The following MACROD2 variants were observed in gnomAD, a reference collection of about 807,000 sequenced individuals.
MACROD2 encodes the protein ADP-ribose glycohydrolase MACROD2.
In MACROD2, 36 loss-of-function variants were observed where a neutral mutation model predicts 70.4. The observed-to-expected ratio is 0.51, with a 90% confidence interval of 0.39 to 0.68. MACROD2 has a LOEUF of 0.68. MACROD2 is among the 30% of genes least tolerant of loss of function. The pLI is 0.00. For synonymous variants in MACROD2, 172 were observed against 178.8 expected (o/e 0.96, Z 0.30); for missense variants, 496 against 538.4 (o/e 0.92, Z 0.78).
intron 8 of MACROD2, among the ~76,000 whole-genome samples, chr20:15,798,628 G>C (rs1356234026): frequency 6.6e-6 from 1 of 152,104 alleles, no homozygotes; most frequent in Non-Finnish European, 1.5e-5. Context: ...ATTATAGAAG[G>C]GTATGTATGA....
intron 7 of MACROD2, among the ~76,000 whole-genome samples, chr20:15,439,706 C>T (rs963326646): frequency 6.6e-6 from 1 of 152,178 alleles, no homozygotes; most frequent in Non-Finnish European, 1.5e-5. Context: ...CTGGAAGAGG[C>T]CAGACTTTTC....
chr20:15,887,558 A>C (rs546742672), intron 10 of MACROD2, among the ~76,000 whole-genome samples: 1 of 152,250 alleles, frequency 6.6e-6, no homozygotes, highest in South Asian at 2.1e-4. Context: ...CAGCAAACTC[A>C]AAGCACCAGA....
chr20:14,525,187 C>G (rs2085217143), intron 4 of MACROD2, among the ~76,000 whole-genome samples: 1 of 152,144 alleles, frequency 6.6e-6, no homozygotes, highest in Non-Finnish European at 1.5e-5. Flanking sequence ...ATCTATCAGT[C>G]TAATTACCAT....
At chr20:14,821,591 A>C (rs1360888597) in intron 5 of MACROD2, among the ~76,000 whole-genome samples, 1 of 152,132 alleles carries the variant, frequency 6.6e-6, no homozygotes, top group African/African-American at 2.4e-5. Flanking sequence ...TTCGTAAGCA[A>C]ACAGCCTCAC....
chr20:14,901,357 T>A (rs953413551), intron 5 of MACROD2, among the ~76,000 whole-genome samples: 19 of 152,060 alleles, frequency 1.2e-4, no homozygotes, highest in Non-Finnish European at 1.8e-4. Flanking sequence ...AAAGGGAACT[T>A]AATGACATTG....
In MACROD2 at chr20:14,830,411, T is replaced by TA. The variant is rs544904440; in HGVS notation, c.418+145458dup. Among the ~76,000 whole-genome samples the TA allele has an allele frequency of 2.5e-4, 38 of 152,242 alleles. No individual in the cohort carries two copies. The South Asian group carries it at 7.9e-3, about 32-fold the overall frequency. ...ATCTTTTTGTTTATAAATTGAGATT[T>TA]AAAAAATCATATTCTTACAAAAAAC... On this transcript the variant is annotated intron_variant, in intron 5 of 17. Coordinates refer to ENST00000684519, the MANE Select transcript of MACROD2 (RefSeq NM_001351661.2).
chr20:15,054,538 ATGC>A (rs1448293238), intron 5 of MACROD2, among the ~76,000 whole-genome samples: 4 of 152,190 alleles, frequency 2.6e-5, no homozygotes, highest in Admixed American at 6.5e-5. Flanking sequence ...TTTAGATATA[ATGC>A]TATTGCACCC....
chr20:14,964,028 G>C (rs2074608042), intron 5 of MACROD2, among the ~76,000 whole-genome samples: 1 of 152,066 alleles, frequency 6.6e-6, no homozygotes, highest in South Asian at 2.1e-4. Flanking sequence ...TGGAAATGCA[G>C]CAGAAATTCA....
chr20:15,641,382 G>C lies in MACROD2; in HGVS notation c.645+141535G>C, dbSNP rs1455078237. On this transcript the variant is annotated intron_variant, in intron 8 of 17. Transcript: ENST00000684519. ...CAGCAAAGTCTGGTGGAAATAAATA[G>C]TGTAGATTAGTGGAAGGAATATGAG... Among the ~76,000 whole-genome samples, 9 of 152,324 alleles carry C rather than the reference G, an allele frequency of 5.9e-5. 1 individual carries two copies. The Middle Eastern group carries it at 0.01, about 173-fold the overall frequency.
Position 15,966,139 on chromosome 20 carries a change from C to T in MACROD2, c.908-1414C>T, listed in dbSNP as rs186750758. On this transcript the variant is annotated intron_variant, in intron 12 of 17. Coordinates refer to ENST00000684519, the MANE Select transcript of MACROD2 (RefSeq NM_001351661.2). The stretch of plus-strand genomic sequence containing the variant: ...TTGAGAGGAAATGAATGGAGAGAAA[C>T]AGAGGGAGAAATGAAAAGGAAACAA... Among the ~76,000 whole-genome samples the T allele has an allele frequency of 1.2e-4, 19 of 152,138 alleles. No homozygotes were observed. The East Asian group carries it at 3.7e-3, about 29-fold the overall frequency.
chr20:15,526,684 C>T (rs912222891), intron 8 of MACROD2, among the ~76,000 whole-genome samples: 3 of 152,184 alleles, frequency 2.0e-5, no homozygotes, highest in African/African-American at 7.2e-5. Context: ...TTGATTTAGC[C>T]AGCAACACAT....
At chr20:14,831,821 A>G (rs2072971198) in intron 5 of MACROD2, among the ~76,000 whole-genome samples, 2 of 146,960 alleles carry the variant, frequency 1.4e-5, no homozygotes, top group Admixed American at 1.4e-4. Flanking sequence ...ACAACACAAG[A>G]TATCTGGCAC....
intron 3 of MACROD2, among the ~76,000 whole-genome samples, chr20:14,100,632 AT>A (rs937480901): frequency 1.4e-4 from 20 of 142,002 alleles, no homozygotes; most frequent in East Asian, 7.9e-4. Context: ...AAAAATATAT[AT>A]TTTTTTTATT....
At chr20:15,355,306 A>C (rs2078274242) in intron 6 of MACROD2, among the ~76,000 whole-genome samples, 1 of 152,196 alleles carries the variant, frequency 6.6e-6, no homozygotes, top group Non-Finnish European at 1.5e-5. Context: ...ATGTATGTTA[A>C]TTTGGTAGAT....
intron 1 of MACROD2, among the ~76,000 whole-genome samples, chr20:14,001,959 A>C (rs2052738250): frequency 6.6e-6 from 1 of 152,172 alleles, no homozygotes; most frequent in Admixed American, 6.5e-5. Flanking sequence ...ATAAGATTTC[A>C]GGGGATATAT....
At chr20:15,338,677 C>T (rs1387310246) in intron 6 of MACROD2, among the ~76,000 whole-genome samples, 5 of 151,478 alleles carry the variant, frequency 3.3e-5, no homozygotes, top group Admixed American at 3.3e-4. Context: ...GATGAAGAAA[C>T]AGGCCTAGGG....
intron 8 of MACROD2, among the ~76,000 whole-genome samples, chr20:15,674,204 G>T (rs2050023574): frequency 6.6e-6 from 1 of 152,116 alleles, no homozygotes; most frequent in African/African-American, 2.4e-5. Context: ...AATATGGTAA[G>T]ACCATAGTGG....
At chr20:14,029,055 G>A (rs1353319278) in intron 2 of MACROD2, among the ~76,000 whole-genome samples, 2 of 152,146 alleles carry the variant, frequency 1.3e-5, no homozygotes, top group Non-Finnish European at 2.9e-5. Flanking sequence ...TCATGTTACC[G>A]GATGATGTTA....
intron 3 of MACROD2, among the ~76,000 whole-genome samples, chr20:14,456,780 G>A (rs2084307891): frequency 7.0e-6 from 1 of 141,998 alleles, no homozygotes; most frequent in Non-Finnish European, 1.5e-5. Context: ...GCAGTGGTGC[G>A]ATCTCGGCTC....
Sources: allele counts gnomAD v4.1 joint callset (sites outside exome capture counted in the v4.1 genomes callset), GRCh38; gene constraint gnomAD v4.1.1; transcripts MANE v1.5; gene names NCBI Gene and HGNC (gene_info 2026-07-23, HGNC 2026-07-21).